Variants in HIPK2 observed in about 807,000 individuals in gnomAD.
HIPK2 encodes homeodomain-interacting protein kinase 2.
HIPK2 carries 27 observed loss-of-function variants against 113.7 expected under a neutral mutation model. That is an observed-to-expected ratio of 0.24 (90% CI 0.17 to 0.33). The LOEUF (loss-of-function observed/expected upper bound fraction) is 0.33, where lower values mean the gene tolerates loss of function less well. Among genes scored for constraint, HIPK2 ranks in the 10% least tolerant of loss-of-function variants. The pLI, the probability that HIPK2 is intolerant of heterozygous loss-of-function variation, is 1.00. For synonymous variants in HIPK2, 631 were observed against 642.2 expected (o/e 0.98, Z 0.26); for missense variants, 1,257 against 1,588.0 (o/e 0.79, Z 3.54).
intron 2 of HIPK2, among the ~76,000 whole-genome samples, chr7:139,671,036 C>T (rs1318248927): frequency 6.6e-6 from 1 of 152,090 alleles, no homozygotes; most frequent in African/African-American, 2.4e-5. Flanking sequence ...GCTGGGATTA[C>T]AGGTGTAAGC....
intron 2 of HIPK2, among the ~76,000 whole-genome samples, chr7:139,689,401 G>C (rs1267032521): frequency 6.6e-6 from 1 of 152,160 alleles, no homozygotes; most frequent in Admixed American, 6.5e-5. Flanking sequence ...TATGTTATAT[G>C]CTGTCTTATA....
At chr7:139,754,692 ACAC>A (rs1354857728) in intron 1 of HIPK2, among the ~76,000 whole-genome samples, 1 of 152,202 alleles carries the variant, frequency 6.6e-6, no homozygotes, top group African/African-American at 2.4e-5. Context: ...GCCTGAGAAA[ACAC>A]CATCTCTTCT....
At chr7:139,666,323 A>G (rs1802047900) in intron 2 of HIPK2, among the ~76,000 whole-genome samples, 2 of 152,202 alleles carry the variant, frequency 1.3e-5, no homozygotes, top group Non-Finnish European at 2.9e-5. Context: ...AGACTTGAGG[A>G]GCAGGGGCTG....
In HIPK2 at chr7:139,630,696, T is replaced by C. The variant is rs1033562965; in HGVS notation, c.1347+469A>G. On this transcript the variant is annotated intron_variant, in intron 4 of 14. Transcript: ENST00000406875. This position sits in a 1 kb window ranked among gnomAD's most constrained non-coding sequence, Gnocchi z 4.0. ...TACAGGCGTGAGCCACCACGCTCCC[T>C]CTTCATTCTTTAGGGCCCAGTTCAA... 1.3e-5 allele frequency among the ~76,000 whole-genome samples: 2 copies of C among 152,192 alleles called. No homozygotes were observed. Among genetic ancestry groups the C allele is most frequent in the African/African-American group, 4.8e-5 (2 of 41,458 alleles).
At chr7:139,677,195 A>ATGTG (rs574762242) in intron 2 of HIPK2, among the ~76,000 whole-genome samples, 4 of 146,794 alleles carry the variant, frequency 2.7e-5, no homozygotes, top group African/African-American at 1.1e-4. Flanking sequence ...ATGTGTGTGT[A>ATGTG]TGTGTGTGTG....
Position 139,637,247 on chromosome 7 carries a change from A to G in HIPK2, c.1104-5522T>C, listed in dbSNP as rs377056770. On this transcript the variant is annotated intron_variant, in intron 2 of 14. Transcript: ENST00000406875. ...ATGGCAGCCACAGGGAACAGATGGC[A>G]CCCCACCCCCTTGCCGTAAGCCTTC... Among the ~76,000 whole-genome samples, 18 of 151,930 alleles carry G rather than the reference A, an allele frequency of 1.2e-4. No homozygotes were observed. In the South Asian group the frequency reaches 3.8e-3, roughly 32 times the overall value.
chr7:139,758,514 A>G (rs1390261367), intron 1 of HIPK2, among the ~76,000 whole-genome samples: 2 of 152,172 alleles, frequency 1.3e-5, no homozygotes, highest in Admixed American at 1.3e-4. Context: ...GACTAGTACC[A>G]GTTCTGGCCT....
At position 139,620,548 on chromosome 7, in the gene HIPK2, G is replaced by A. The variant is rs774661798; in HGVS notation, c.1635C>T (p.Phe545=). The A allele has an allele frequency of 3.5e-5, 57 of 1,614,028 alleles. No individual in the cohort carries two copies. Among genetic ancestry groups the A allele is most frequent in the Non-Finnish European group, 4.4e-5 (52 of 1,180,026 alleles). Reference sequence around the variant, plus strand: ...GACGCTTGCAGATCTCCATGTTCTGGAAACATGATTTGACGCTGTTCATGC... The same window carrying A: ...GACGCTTGCAGATCTCCATGTTCTGAAAACATGATTTGACGCTGTTCATGC... The part of the protein sequence containing the change: ...FPHSTHVKSC[F]QNMEICKRRV... The change falls in exon 7 of 15, where the codon TTC becomes TTT. Residue 545 remains phenylalanine (F), a synonymous_variant. Transcript: ENST00000406875.
At chr7:139,612,656 T>TA (rs1405916672) in intron 9 of HIPK2, among the ~76,000 whole-genome samples, 1 of 152,222 alleles carries the variant, frequency 6.6e-6, no homozygotes, top group Non-Finnish European at 1.5e-5. Context: ...ACTGTTACCT[T>TA]ACGTTTACAT....
intron 12 of HIPK2, among the ~76,000 whole-genome samples, chr7:139,587,762 T>C (rs564045391): frequency 1.8e-4 from 27 of 151,820 alleles, no homozygotes; most frequent in African/African-American, 5.6e-4. Context: ...CCTATAGTCC[T>C]AGCTGCTCGG....
intron 2 of HIPK2, among the ~76,000 whole-genome samples, chr7:139,640,323 T>C (rs1800966649): frequency 1.3e-5 from 2 of 152,326 alleles, no homozygotes; most frequent in Admixed American, 6.5e-5. Context: ...CTGCACACAC[T>C]GAGAAGCATT....
chr7:139,676,549 A>G (rs1802500805), intron 2 of HIPK2, among the ~76,000 whole-genome samples: 2 of 152,158 alleles, frequency 1.3e-5, no homozygotes, highest in Non-Finnish European at 2.9e-5. Flanking sequence ...AGTGAATGAC[A>G]GCCCTTTTTC....
chr7:139,773,765 C>A (rs1106768), intron 1 of HIPK2, among the ~76,000 whole-genome samples: 16,983 of 152,240 alleles, frequency 0.11, 1,137 homozygotes, highest in Non-Finnish European at 0.16. Context: ...GGGCGAGGAG[C>A]CTCCCCTTGG....
At chr7:139,713,822 AG>A (rs1795139131) in intron 2 of HIPK2, among the ~76,000 whole-genome samples, 1 of 152,246 alleles carries the variant, frequency 6.6e-6, no homozygotes, top group African/African-American at 2.4e-5. Flanking sequence ...AGCACCAGCT[AG>A]CCCCCAATGG....
rs1313183806 is a variant in HIPK2 at position 139,565,830 on chromosome 7, G to A, written c.*7097C>T. On this transcript the variant is annotated 3_prime_UTR_variant, in exon 15 of 15. Coordinates refer to ENST00000406875, the MANE Select transcript of HIPK2 (RefSeq NM_022740.5). Reference sequence around the variant, plus strand: ...CTCTGGTTCTGCCCAGAGCTGAAGAGTGAATCTATTACAGAGATCAGAGCT... The same window carrying A: ...CTCTGGTTCTGCCCAGAGCTGAAGAATGAATCTATTACAGAGATCAGAGCT... 1 of 151,298 alleles carries A rather than the reference G, an allele frequency of 6.6e-6. No homozygotes were observed. The highest frequency in any genetic ancestry group is 1.5e-5 in the Non-Finnish European group (1 of 67,966). The allele number at this position is 151,298 out of a possible 1,614,324, so 9.4% of individuals were successfully genotyped here. A position where few individuals can be genotyped will look rare whatever the true frequency, so the allele number is the denominator to read the frequency against.
chr7:139,561,748 A>C lies in HIPK2; in HGVS notation c.*11179T>G. ...ACAAGCTATAACATAGTTCACCACAATGGGACCCCCCCCCCTTTTTCTCAC... is the reference window on the plus strand; with the variant it reads ...ACAAGCTATAACATAGTTCACCACACTGGGACCCCCCCCCCTTTTTCTCAC... On this transcript the variant is annotated 3_prime_UTR_variant, in exon 15 of 15. Transcript: ENST00000406875. 1 of 140,716 alleles carries C rather than the reference A, an allele frequency of 7.1e-6. No individual in the cohort carries two copies. The highest frequency in any genetic ancestry group is 2.2e-4 in the South Asian group (1 of 4,616). The allele number at this position is 140,716 out of a possible 1,614,324, so 8.7% of individuals were successfully genotyped here.
intron 1 of HIPK2, among the ~76,000 whole-genome samples, chr7:139,770,048 C>G (rs1796620116): frequency 6.6e-6 from 1 of 152,234 alleles, no homozygotes; most frequent in East Asian, 1.9e-4. Context: ...CTGACACTTA[C>G]TATCCTCCAG....
rs535263983 is a variant in HIPK2 at position 139,683,238 on chromosome 7, G to A, written c.1103+32694C>T. Among the ~76,000 whole-genome samples the A allele has an allele frequency of 8.5e-5, 13 of 152,306 alleles. No individual in the cohort carries two copies. The highest frequency in any genetic ancestry group is 6.8e-3 in the Middle Eastern group (2 of 294). The stretch of plus-strand genomic sequence containing the variant: ...GTGCCACACACGAGGATAAAAATGC[G>A]AACAGAGACTGCATTAGCTGCCTGT... On this transcript the variant is annotated intron_variant, in intron 2 of 14. Coordinates refer to ENST00000406875, the MANE Select transcript of HIPK2 (RefSeq NM_022740.5). This position sits in a 1 kb window ranked among gnomAD's most constrained non-coding sequence, Gnocchi z 4.2.
At position 139,731,671 on chromosome 7, in the gene HIPK2, T is replaced by C. The variant is rs531827577; in HGVS notation, c.20-14656A>G. The stretch of plus-strand genomic sequence containing the variant: ...ACTGCAAAGAAAACTTTGTGAAAGA[T>C]GTTTTGCAGACACAGTGATGCCGGG... On this transcript the variant is annotated intron_variant, in intron 1 of 14. Transcript: ENST00000406875. 1.6e-4 allele frequency among the ~76,000 whole-genome samples: 24 copies of C among 152,370 alleles called. No homozygotes were observed. In the East Asian group the frequency reaches 4.2e-3, roughly 27 times the overall value.
Sources: allele counts gnomAD v4.1 joint callset (sites outside exome capture counted in the v4.1 genomes callset), GRCh38; gene constraint gnomAD v4.1.1; non-coding constraint Gnocchi (gnomAD v3.1); transcripts MANE v1.5; gene names NCBI Gene and HGNC (gene_info 2026-07-23, HGNC 2026-07-21).